CSMD3: variants seen among roughly 807,000 people sequenced by gnomAD.
The protein encoded by CSMD3 is CUB and Sushi multiple domains 3.
Under a neutral mutation model 435.2 loss-of-function variants are expected in CSMD3, and 177 were observed. The ratio of observed to expected loss-of-function variants is 0.41; its 90% CI spans 0.36 to 0.46. The LOEUF (loss-of-function observed/expected upper bound fraction) is 0.46, where lower values mean the gene tolerates loss of function less well. Ranked by LOEUF, CSMD3 falls within the 20% of genes least tolerant of loss-of-function variation. CSMD3 has a pLI of 0.34. For synonymous variants in CSMD3, 1,656 were observed against 1,520.5 expected (o/e 1.09, Z -2.07); for missense variants, 4,265 against 4,504.6 (o/e 0.95, Z 1.52).
In CSMD3 at chr8:112,829,619, T is replaced by A; in HGVS notation, c.1859+67A>T. The stretch of plus-strand genomic sequence containing the variant: ...AGTGGGAGCGATCAATGTAAAACAA[T>A]AATTTGAAAGTAAAATTTTATTAGT... On this transcript the variant is annotated intron_variant, in intron 12 of 70. Coordinates refer to ENST00000297405, the MANE Select transcript of CSMD3 (RefSeq NM_198123.2). 1.0e-5 allele frequency: 9 copies of A among 874,022 alleles called. No homozygotes were observed. In the South Asian group the frequency reaches 1.2e-4, roughly 12 times the overall value. 54.1% of individuals were successfully genotyped at this position (874,022 alleles called of 1,614,324 possible).
chr8:112,392,864 C>CTTTTTTTT (rs56809581), intron 35 of CSMD3, among the ~76,000 whole-genome samples: 10 of 122,158 alleles, frequency 8.2e-5, no homozygotes, highest in Admixed American at 1.8e-4. Context: ...TCTTTTTTTT[C>CTTTTTTTT]TTTTTTTTTT....
intron 11 of CSMD3, among the ~76,000 whole-genome samples, chr8:112,856,757 A>G (rs988785571): frequency 1.8e-4 from 28 of 151,914 alleles, no homozygotes; most frequent in African/African-American, 6.8e-4. Context: ...TCAAATATAC[A>G]GGAAAACATG....
At chr8:112,858,721 A>C (rs112858249) in intron 11 of CSMD3, among the ~76,000 whole-genome samples, 4 of 151,988 alleles carry the variant, frequency 2.6e-5, no homozygotes, top group African/African-American at 7.2e-5. Flanking sequence ...TAAACCAACT[A>C]TTTCAAATAA....
chr8:113,190,256 CT>C (rs1273546488), intron 3 of CSMD3, among the ~76,000 whole-genome samples: 1 of 151,724 alleles, frequency 6.6e-6, no homozygotes, highest in Admixed American at 6.6e-5. Context: ...GTGAGGTAAA[CT>C]TGTGAGCAGG....
intron 1 of CSMD3, among the ~76,000 whole-genome samples, chr8:113,400,207 G>A (rs1276406427): frequency 6.6e-6 from 1 of 151,844 alleles, no homozygotes; most frequent in African/African-American, 2.4e-5. Flanking sequence ...CATTTCAAAT[G>A]GTATCCAGCT....
At chr8:112,645,687 T>A (rs921854550) in intron 19 of CSMD3, among the ~76,000 whole-genome samples, 1 of 152,188 alleles carries the variant, frequency 6.6e-6, no homozygotes, top group Non-Finnish European at 1.5e-5. Context: ...TCTGGGTTTC[T>A]TTATTTTTCT....
intron 28 of CSMD3, among the ~76,000 whole-genome samples, chr8:112,508,541 G>C (rs7835439): frequency 1.3e-5 from 2 of 151,854 alleles, no homozygotes; most frequent in African/African-American, 2.4e-5. Context: ...GGATATTTCC[G>C]GAGAATAGGT....
intron 13 of CSMD3, among the ~76,000 whole-genome samples, chr8:112,727,672 T>C (rs2076994415): frequency 6.6e-6 from 1 of 151,858 alleles, no homozygotes; most frequent in Non-Finnish European, 1.5e-5. Flanking sequence ...ATGAAAGTCA[T>C]TGTATACTAT....
At chr8:113,253,176 C>T (rs1185387286) in intron 3 of CSMD3, among the ~76,000 whole-genome samples, 2 of 152,052 alleles carry the variant, frequency 1.3e-5, no homozygotes, top group African/African-American at 4.8e-5. Context: ...TTCAGTTTCC[C>T]TATCTACAGG....
intron 5 of CSMD3, among the ~76,000 whole-genome samples, chr8:113,080,686 G>A (rs2089527355): frequency 6.6e-6 from 1 of 152,130 alleles, no homozygotes; most frequent in South Asian, 2.1e-4. Flanking sequence ...AATTACGTTT[G>A]TTCATGAAGT....
chr8:112,309,310 T>A (rs937074678), intron 50 of CSMD3, among the ~76,000 whole-genome samples: 1 of 151,920 alleles, frequency 6.6e-6, no homozygotes, highest in Non-Finnish European at 1.5e-5. Context: ...ATTATATATG[T>A]ATACCATATA....
intron 1 of CSMD3, among the ~76,000 whole-genome samples, chr8:113,371,224 T>A (rs2094344546): frequency 6.6e-6 from 1 of 152,066 alleles, no homozygotes; most frequent in African/African-American, 2.4e-5. Flanking sequence ...TACTTCCTTT[T>A]TGAGGATAAA....
At chr8:113,141,869 C>A (rs929631245) in intron 4 of CSMD3, among the ~76,000 whole-genome samples, 1 of 150,978 alleles carries the variant, frequency 6.6e-6, no homozygotes, top group Non-Finnish European at 1.5e-5. Flanking sequence ...TGTTATGTTT[C>A]TCTTCATAGA....
At chr8:112,298,912 A>T (rs1455132164) in intron 53 of CSMD3, among the ~76,000 whole-genome samples, 1 of 152,148 alleles carries the variant, frequency 6.6e-6, no homozygotes, top group Non-Finnish European at 1.5e-5. Flanking sequence ...AGACTTTTAC[A>T]TGAGCATGCA....
chr8:112,448,983 T>C (rs1436656608), intron 32 of CSMD3, among the ~76,000 whole-genome samples: 1 of 152,148 alleles, frequency 6.6e-6, no homozygotes, highest in Non-Finnish European at 1.5e-5. Flanking sequence ...TGGATACATG[T>C]TGTTTTGTTT....
intron 4 of CSMD3, among the ~76,000 whole-genome samples, chr8:113,131,057 C>T (rs1002178966): frequency 5.9e-5 from 9 of 152,048 alleles, no homozygotes; most frequent in African/African-American, 1.4e-4. Context: ...AAAGTGTATG[C>T]TCATACACAT....
At chr8:112,612,143 C>A (rs1374548994) in intron 22 of CSMD3, among the ~76,000 whole-genome samples, 1 of 152,080 alleles carries the variant, frequency 6.6e-6, no homozygotes. Flanking sequence ...TAAAATACAA[C>A]CTGCTAAAAC....
At chr8:113,220,774 A>T (rs1588302783) in intron 3 of CSMD3, among the ~76,000 whole-genome samples, 1 of 151,348 alleles carries the variant, frequency 6.6e-6, no homozygotes, top group South Asian at 2.1e-4. Context: ...AGGGGGAAGT[A>T]ACTATACAGT....
At chr8:112,965,330 C>T (rs1168638578) in intron 7 of CSMD3, among the ~76,000 whole-genome samples, 1 of 151,912 alleles carries the variant, frequency 6.6e-6, no homozygotes, top group East Asian at 1.9e-4. Flanking sequence ...TAAGCTTTCT[C>T]TTTTGATCAA....
Sources: gnomAD v4.1 joint callset for allele counts (sites outside exome capture counted in the v4.1 genomes callset) on GRCh38, gnomAD v4.1.1 for gene constraint, MANE v1.5 for transcripts, NCBI Gene and HGNC (gene_info 2026-07-23, HGNC 2026-07-21) for gene names.